FZD4: variants seen among roughly 807,000 people sequenced by gnomAD.
FZD4 encodes the protein frizzled-4.
A neutral mutation model predicts 37.3 loss-of-function variants in FZD4; 16 were observed. That is an observed-to-expected ratio of 0.43 (90% CI 0.29 to 0.65). The LOEUF (loss-of-function observed/expected upper bound fraction) is 0.65. Ranked by LOEUF, FZD4 falls within the 30% of genes least tolerant of loss-of-function variation. The pLI is 0.16. For missense variants in FZD4, 599 were observed against 674.3 expected, an observed-to-expected ratio of 0.89 and a Z score of 1.24; for synonymous variants, 246 against 254.8, an observed-to-expected ratio of 0.97 and a Z score of 0.33.
chr11:86,953,743 A>T (rs531871098), intron 1 of FZD4, among the ~76,000 whole-genome samples: 165 of 152,192 alleles, frequency 1.1e-3, no homozygotes, highest in African/African-American at 3.9e-3. Flanking sequence ...CAGCCTCCTG[A>T]GTAGCTGGGA....
chr11:86,954,447 A>G, intron 1 of FZD4: 1 of 985,362 alleles, frequency 1.0e-6, no homozygotes. Flanking sequence ...ACTCCCTCCA[A>G]GTCTTAGCTG....
At chr11:86,952,557 T>C in intron 1 of FZD4, 87 bp from the exon 2 acceptor site, 1 of 1,447,628 alleles carries the variant, frequency 6.9e-7, no homozygotes, top group Non-Finnish European at 9.6e-7. Context: ...AGTTGAATGC[T>C]TCCAGGCAAT....
chr11:86,950,920 TCTAA>T lies in FZD4; in HGVS notation c.*218_*221del, dbSNP rs2135039179. On this transcript the variant is annotated 3_prime_UTR_variant, in exon 2 of 2. Coordinates refer to ENST00000531380, the MANE Select transcript of FZD4 (RefSeq NM_012193.4). The stretch of plus-strand genomic sequence containing the variant: ...TTGATTTTTCACAGCTTTGAAAGCC[TCTAA>T]CTGGCTTTTCCATTTTGGATCATTC... 1 of 608,470 alleles carries T rather than the reference TCTAA, an allele frequency of 1.6e-6. No homozygotes were observed. The highest frequency in any genetic ancestry group is 2.8e-5 in the East Asian group (1 of 35,486). The allele number at this position is 608,470 out of a possible 1,614,324, so 37.7% of individuals were successfully genotyped here.
rs1201295401 is a variant in FZD4, at chr11:86,952,159, G to A, written c.597C>T (p.Asn199=). 1 of 1,612,236 alleles carries A rather than the reference G, an allele frequency of 6.2e-7. No homozygotes were observed. Among genetic ancestry groups the A allele is most frequent in the East Asian group, 2.2e-5 (1 of 44,860 alleles). Residue 199 remains asparagine, a synonymous_variant, in exon 2 of 2, where the codon AAC becomes AAT. Coordinates refer to ENST00000531380, the MANE Select transcript of FZD4 (RefSeq NM_012193.4). ...CATCATAGCCACACTTGAGCACACA[G>A]TTCAGGCTCCTTTTCACCCAGATGT... is the stretch of plus-strand genomic sequence containing the variant. ...DQYIWVKRSL[N]CVLKCGYDAG... is the part of the protein sequence containing the mutation.
rs1448139616 is a variant in FZD4 at position 86,946,122 on chromosome 11, TCAGAAACAC to T, written c.*5011_*5019del. 1 of 152,372 alleles carries T rather than the reference TCAGAAACAC, an allele frequency of 6.6e-6. No homozygotes were observed. The highest frequency in any genetic ancestry group is 2.4e-5 in the African/African-American group (1 of 41,410). The allele number at this position is 152,372 out of a possible 1,614,324, so 9.4% of individuals were successfully genotyped here. On this transcript the variant is annotated 3_prime_UTR_variant, in exon 2 of 2. Transcript: ENST00000531380. ...AACATCCCTGTGAGGTAGACAAAAT[TCAGAAACAC>T]CTCCATGCCTCACTGGGAGAGATCT...
At chr11:86,952,498 CA>C (rs776761519) in intron 1 of FZD4, 28 bp from the exon 2 acceptor site, 12 of 1,603,140 alleles carry the variant, frequency 7.5e-6, no homozygotes, top group East Asian at 2.2e-5. Context: ...TGAACACACA[CA>C]AAAAAAACAA....
chr11:86,947,351 A>G lies in FZD4; in HGVS notation c.*3791T>C, dbSNP rs1185833291. 1 of 153,210 alleles carries G rather than the reference A, an allele frequency of 6.5e-6. No homozygotes were observed. Among genetic ancestry groups the G allele is most frequent in the East Asian group, 1.9e-4 (1 of 5,242 alleles). The allele number at this position is 153,210 out of a possible 1,614,324, so 9.5% of individuals were successfully genotyped here. On this transcript the variant is annotated 3_prime_UTR_variant, in exon 2 of 2. Coordinates refer to ENST00000531380, the MANE Select transcript of FZD4 (RefSeq NM_012193.4). ...CCGACCTGGTGAAATCCCTGAGTCT[A>G]TTCCTCTAGGGCTGAGACTGTTGAG...
rs1280981405 is a variant in FZD4 at position 86,955,002 on chromosome 11, C to G, written c.84G>C (p.Leu28=). Reference sequence around the variant, plus strand: ...AGCCCCGCGCCGGCCCCAGGAGCAGCAGCAACTGCAGGAGCAACCCCAGAC... The same window carrying G: ...AGCCCCGCGCCGGCCCCAGGAGCAGGAGCAACTGCAGGAGCAACCCCAGAC... ...GLSLGLLLQL[L]LLLGPARGFG... Residue 28 remains leucine, a synonymous_variant, in exon 1 of 2, where the codon CTG becomes CTC. Transcript: ENST00000531380. The G allele has an allele frequency of 8.7e-6, 14 of 1,612,714 alleles. No homozygotes were observed. The Middle Eastern group carries it at 8.2e-4, about 95-fold the overall frequency.
Position 86,947,221 on chromosome 11 carries a change from AC to A in FZD4, c.*3920del. 6.0e-6 allele frequency: 1 copy of A among 167,152 alleles called. No individual in the cohort carries two copies. Among genetic ancestry groups the A allele is most frequent in the South Asian group, 1.3e-4 (1 of 7,442 alleles). The allele number at this position is 167,152 out of a possible 1,614,324, so 10.4% of individuals were successfully genotyped here. On this transcript the variant is annotated 3_prime_UTR_variant, in exon 2 of 2. Transcript: ENST00000531380. ...CTGTCTCAAACAAACAAACAAACAA[AC>A]AAACAAACAAACAACAAAAAAAAGG...
In FZD4 at chr11:86,945,742, G is replaced by GTGA. The variant is rs1171367859; in HGVS notation, c.*5397_*5399dup. ...AATAGCAAGGGGTTTTCTTTGTACA[G>GTGA]TGATAAATTAGAAATTTACAGTACA... On this transcript the variant is annotated 3_prime_UTR_variant, in exon 2 of 2. Coordinates refer to ENST00000531380, the MANE Select transcript of FZD4 (RefSeq NM_012193.4). 6.6e-6 allele frequency: 1 copy of GTGA among 152,610 alleles called. No individual in the cohort carries two copies. Among genetic ancestry groups the GTGA allele is most frequent in the Non-Finnish European group, 1.5e-5 (1 of 68,024 alleles). 9.5% of individuals were successfully genotyped at this position (152,610 alleles called of 1,614,324 possible). A position where few individuals can be genotyped will look rare whatever the true frequency, so the allele number is the denominator to read the frequency against.
Position 86,954,781 on chromosome 11 carries a change from G to T in FZD4, c.285+20C>A, listed in dbSNP as rs894623136. On this transcript the variant is annotated intron_variant, in intron 1 of 1. Transcript: ENST00000531380. ...CCCTCCCCAAGGGGTCCCGCCAGGG[G>T]TGGGGGTGGGGGCGCCCACCTGCAG... The T allele has an allele frequency of 4.4e-6, 7 of 1,588,192 alleles. No individual in the cohort carries two copies. Among genetic ancestry groups the T allele is most frequent in the Middle Eastern group, 1.7e-4 (1 of 6,012 alleles).
rs758053714 is a variant in FZD4 at position 86,955,064 on chromosome 11, G to C, written c.22C>G (p.Pro8Ala). The C allele has an allele frequency of 6.3e-7, 1 of 1,574,832 alleles. No homozygotes were observed. The highest frequency in any genetic ancestry group is 1.8e-5 in the Admixed American group (1 of 54,942). The stretch of plus-strand genomic sequence containing the variant: ...CCCCCGGGCGCCCCCGGGACGCTCG[G>C]CCCTGCGCCCCGCCAGGCCATGGCC... MAWRGAG[P>A]SVPGAPGGVG... Residue 8 changes from proline (P) to alanine (A), a missense_variant, in exon 1 of 2, where the codon CCG becomes GCG. This residue lies in a region of FZD4 where 357 missense variants were observed against 396.1 expected (regional missense o/e 0.90). Transcript: ENST00000531380.
rs1949255640 is a variant in FZD4 at position 86,947,726 on chromosome 11, G to A, written c.*3416C>T. ...AATCAACCAAGTAGCTCAAGCAGAT[G>A]GTTCTGGCCAGCACCACTCTACCCC... On this transcript the variant is annotated 3_prime_UTR_variant, in exon 2 of 2. Transcript: ENST00000531380. 1 of 152,234 alleles carries A rather than the reference G, an allele frequency of 6.6e-6. No homozygotes were observed. Among genetic ancestry groups the A allele is most frequent in the Non-Finnish European group, 1.5e-5 (1 of 68,108 alleles). The allele number at this position is 152,234 out of a possible 1,614,324, so 9.4% of individuals were successfully genotyped here.
At chr11:86,954,188 T>A in intron 1 of FZD4, 19 of 971,268 alleles carry the variant, frequency 2.0e-5, no homozygotes, top group Non-Finnish European at 2.3e-5. Flanking sequence ...TGCAAAAAAA[T>A]TTCTTCCAAT....
rs1039468893 is a variant in FZD4 at position 86,955,332 on chromosome 11, G to C, written c.-247C>G. The C allele has an allele frequency of 1.0e-5, 4 of 387,728 alleles. No homozygotes were observed. The East Asian group carries it at 1.6e-4, about 15-fold the overall frequency. The allele number at this position is 387,728 out of a possible 1,614,324, so 24.0% of individuals were successfully genotyped here. A position where few individuals can be genotyped will look rare whatever the true frequency, so the allele number is the denominator to read the frequency against. ...CTGCAGGCGGCGAGCCCACAAGCCG[G>C]CGCCGGCCGCGTCCGTTCGGCGTCT... On this transcript the variant is annotated 5_prime_UTR_variant, in exon 1 of 2. Transcript: ENST00000531380.
rs1224806398 is a variant in FZD4, at chr11:86,951,083, C to T, written c.*59G>A. The stretch of plus-strand genomic sequence containing the variant: ...CTGCATAAAACTTTTAGTAGAATTT[C>T]CTCCAAAATGCTGGCATTCCCCCCT... On this transcript the variant is annotated 3_prime_UTR_variant, in exon 2 of 2. Coordinates refer to ENST00000531380, the MANE Select transcript of FZD4 (RefSeq NM_012193.4). 6.4e-7 allele frequency: 1 copy of T among 1,571,812 alleles called. No homozygotes were observed. Among genetic ancestry groups the T allele is most frequent in the East Asian group, 2.2e-5 (1 of 44,720 alleles).
Position 86,951,434 on chromosome 11 carries a change from G to A in FZD4, c.1322C>T (p.Ser441Leu), listed in dbSNP as rs779827851. Residue 441 changes from serine to leucine, a missense_variant, in exon 2 of 2, where the codon TCA becomes TTA. By Grantham distance (145) the Ser-to-Leu change is moderately radical. Coordinates refer to ENST00000531380, the MANE Select transcript of FZD4 (RefSeq NM_012193.4). ...CGTTGCAGGAACTGTGTACAGTACTGAGAACACCCCAATCTTGACCATCAG... is the reference window on the plus strand; with the variant it reads ...CGTTGCAGGAACTGTGTACAGTACTAAGAACACCCCAATCTTGACCATCAG... Reference protein sequence around the residue: ...ERLMVKIGVFSVLYTVPATCV... With the variant: ...ERLMVKIGVFLVLYTVPATCV... The A allele has an allele frequency of 6.2e-7, 1 of 1,613,196 alleles. No individual in the cohort carries two copies. Among genetic ancestry groups the A allele is most frequent in the Admixed American group, 1.7e-5 (1 of 60,028 alleles).
chr11:86,948,715 GTTA>G lies in FZD4; in HGVS notation c.*2424_*2426del, dbSNP rs1949264635. ...AGATTCACCCAAGTGCTCTTTTATT[GTTA>G]TTATTTAGTCATTGACAAGTATCGA... On this transcript the variant is annotated 3_prime_UTR_variant, in exon 2 of 2. Coordinates refer to ENST00000531380, the MANE Select transcript of FZD4 (RefSeq NM_012193.4). 6.6e-6 allele frequency: 1 copy of G among 152,186 alleles called. No individual in the cohort carries two copies. Among genetic ancestry groups the G allele is most frequent in the Non-Finnish European group, 1.5e-5 (1 of 68,038 alleles). The allele number at this position is 152,186 out of a possible 1,614,324, so 9.4% of individuals were successfully genotyped here.
rs10898563 is a variant in FZD4, at chr11:86,948,171, A to G, written c.*2971T>C. The stretch of plus-strand genomic sequence containing the variant: ...TGGGAAAGGGATGAGAGATGTGTTA[A>G]AAGTAGAGAGACCCAGGCTGGGTGT... On this transcript the variant is annotated 3_prime_UTR_variant, in exon 2 of 2. Coordinates refer to ENST00000531380, the MANE Select transcript of FZD4 (RefSeq NM_012193.4). The G allele has an allele frequency of 0.28, 41,871 of 151,960 alleles. 7,134 individuals are homozygous for G. Among genetic ancestry groups the G allele is most frequent in the Middle Eastern group, 0.42 (125 of 296 alleles). 9.4% of individuals were successfully genotyped at this position (151,960 alleles called of 1,614,324 possible). A position where few individuals can be genotyped will look rare whatever the true frequency, so the allele number is the denominator to read the frequency against.
Sources: gnomAD v4.1 joint callset for allele counts (sites outside exome capture counted in the v4.1 genomes callset) on GRCh38, gnomAD v4.1.1 for gene constraint, gnomAD v4.1.1 regional missense constraint, MANE v1.5 for transcripts, NCBI Gene and HGNC (gene_info 2026-07-23, HGNC 2026-07-21) for gene names.